FYB1: variants seen among roughly 807,000 people sequenced by gnomAD.
FYB1 encodes FYN-binding protein 1.
Under a neutral mutation model 94.1 loss-of-function variants are expected in FYB1, and 41 were observed. That is an observed-to-expected ratio of 0.44 (90% CI 0.34 to 0.57). The LOEUF (loss-of-function observed/expected upper bound fraction) is 0.57, where lower values mean the gene tolerates loss of function less well. FYB1 is among the 20% of genes least tolerant of loss of function. FYB1 has a pLI of 0.02. For synonymous variants in FYB1, 367 were observed against 353.2 expected (o/e 1.04, Z -0.44); for missense variants, 1,050 against 976.8 (o/e 1.07, Z -1.00).
chr5:39,246,479 A>T (rs1212519401), intron 1 of FYB1, among the ~76,000 whole-genome samples: 1 of 152,192 alleles, frequency 6.6e-6, no homozygotes, highest in Non-Finnish European at 1.5e-5. Context: ...CCTTAACAGC[A>T]TCCTAAATGT....
intron 3 of FYB1, among the ~76,000 whole-genome samples, chr5:39,144,618 A>G (rs1460058067): frequency 1.3e-5 from 2 of 152,176 alleles, no homozygotes; most frequent in Non-Finnish European, 2.9e-5. Context: ...CCTGGTCAAC[A>G]TGGTGAAACC....
In FYB1 at chr5:39,107,421, G is replaced by A; in HGVS notation, c.*22C>T. Reference sequence around the variant, plus strand: ...TTCACATTGGCACCTAATGAACACAGCAGAATGACCAAAGTTGAGTGCTAG... The same window carrying A: ...TTCACATTGGCACCTAATGAACACAACAGAATGACCAAAGTTGAGTGCTAG... On this transcript the variant is annotated 3_prime_UTR_variant, in exon 19 of 19. Coordinates refer to ENST00000512982, the MANE Select transcript of FYB1 (RefSeq NM_001465.6). 1 of 1,522,196 alleles carries A rather than the reference G, an allele frequency of 6.6e-7. No homozygotes were observed. Among genetic ancestry groups the A allele is most frequent in the Non-Finnish European group, 8.9e-7 (1 of 1,129,316 alleles). The allele number at this position is 1,522,196 out of a possible 1,614,324, so 94.3% of individuals were successfully genotyped here. A position where few individuals can be genotyped will look rare whatever the true frequency, so the allele number is the denominator to read the frequency against.
intron 17 of FYB1, among the ~76,000 whole-genome samples, chr5:39,108,825 A>T (rs1738783496): frequency 6.6e-6 from 1 of 152,116 alleles, no homozygotes; most frequent in African/African-American, 2.4e-5. Flanking sequence ...ACTTATGATT[A>T]TAGGCAGCAT....
At chr5:39,222,081 C>T (rs1007193392), upstream of FYB1, among the ~76,000 whole-genome samples, 5 of 151,776 alleles carry the variant, frequency 3.3e-5, no homozygotes, top group South Asian at 2.1e-4. Context: ...GCAAGCAACA[C>T]GCCCTGTCTT....
chr5:39,181,683 T>C (rs1746250820), intron 2 of FYB1, among the ~76,000 whole-genome samples: 1 of 152,186 alleles, frequency 6.6e-6, no homozygotes, highest in Non-Finnish European at 1.5e-5. Flanking sequence ...TCAAAACCTG[T>C]GACCCTGTAA....
intron 2 of FYB1, among the ~76,000 whole-genome samples, chr5:39,196,039 G>C (rs959767001): frequency 1.3e-5 from 2 of 152,088 alleles, no homozygotes; most frequent in African/African-American, 2.4e-5. Flanking sequence ...CTGCAAGATA[G>C]ACCCTCTCTT....
chr5:39,111,406 C>A (rs139438894), intron 16 of FYB1, among the ~76,000 whole-genome samples: 1,695 of 151,824 alleles, frequency 0.011, 31 homozygotes, highest in African/African-American at 0.039. Context: ...AAGGAGAAAG[C>A]TCATAAGCAA....
At chr5:39,113,870 C>T (rs186651929) in intron 16 of FYB1, among the ~76,000 whole-genome samples, 4 of 152,052 alleles carry the variant, frequency 2.6e-5, no homozygotes, top group Admixed American at 1.3e-4. Context: ...AAAAACAGAG[C>T]GTTGTATATA....
chr5:39,180,835 G>A (rs978901405), intron 2 of FYB1, among the ~76,000 whole-genome samples: 21 of 152,206 alleles, frequency 1.4e-4, no homozygotes, highest in African/African-American at 5.1e-4. Context: ...TTTTATTGAA[G>A]CAGTCTTGTG....
At chr5:39,245,092 T>C (rs530193891) in intron 1 of FYB1, among the ~76,000 whole-genome samples, 1 of 151,342 alleles carries the variant, frequency 6.6e-6, no homozygotes, top group Non-Finnish European at 1.5e-5. Context: ...CTTAAAGTTG[T>C]CAAATGCTAG....
At chr5:39,165,465 C>T (rs962239388) in intron 2 of FYB1, among the ~76,000 whole-genome samples, 3 of 152,150 alleles carry the variant, frequency 2.0e-5, no homozygotes. Flanking sequence ...GGGCTCCTAT[C>T]TCTCACCATA....
chr5:39,195,042 G>A lies in FYB1; in HGVS notation c.1135+6784C>T, dbSNP rs73749460. Among the ~76,000 whole-genome samples, 488 of 152,304 alleles carry A rather than the reference G, an allele frequency of 3.2e-3. 2 individuals are homozygous for A. Among genetic ancestry groups the A allele is most frequent in the African/African-American group, 0.011 (470 of 41,560 alleles). ...CTGTTACCCGAAGCTGAACCACGCC[G>A]TTGAGCAACTCCAAATTCCAGTCTG... On this transcript the variant is annotated intron_variant, in intron 2 of 18. Transcript: ENST00000512982.
At chr5:39,213,594 A>G (rs696748) in intron 1 of FYB1, among the ~76,000 whole-genome samples, 129,035 of 152,168 alleles carry the variant, frequency 0.85, 55,062 homozygotes, top group East Asian at 0.94. Flanking sequence ...CATCGTGGGC[A>G]ATCTGAAAGG....
intron 16 of FYB1, chr5:39,110,631 T>A (rs1738981996): frequency 2.5e-6 from 1 of 405,598 alleles, no homozygotes. Flanking sequence ...CAACCTTTCC[T>A]CCTTTCCCCT....
At chr5:39,271,725 GT>G (rs1463371319) in intron 1 of FYB1, among the ~76,000 whole-genome samples, 1 of 152,228 alleles carries the variant, frequency 6.6e-6, no homozygotes, top group Admixed American at 6.5e-5. Flanking sequence ...TAGGGGTTGA[GT>G]TCCAGAAGTA....
chr5:39,200,949 C>A (rs772290453), intron 2 of FYB1, among the ~76,000 whole-genome samples: 12 of 152,152 alleles, frequency 7.9e-5, no homozygotes, highest in Non-Finnish European at 1.6e-4. Context: ...TACATGCAGT[C>A]ACTCAGTACC....
intron 13 of FYB1, among the ~76,000 whole-genome samples, chr5:39,123,986 G>A (rs1371158246): frequency 6.6e-6 from 1 of 152,088 alleles, no homozygotes; most frequent in Non-Finnish European, 1.5e-5. Context: ...AGGGAAAATT[G>A]GTGCTTATCC....
At chr5:39,121,939 G>C (rs887340704) in intron 14 of FYB1, among the ~76,000 whole-genome samples, 5 of 152,122 alleles carry the variant, frequency 3.3e-5, no homozygotes, top group African/African-American at 1.2e-4. Context: ...AAGGTTTGGG[G>C]AAAACAGTAT....
At chr5:39,151,151 A>G (rs944292540) in intron 3 of FYB1, among the ~76,000 whole-genome samples, 1 of 152,158 alleles carries the variant, frequency 6.6e-6, no homozygotes, top group Non-Finnish European at 1.5e-5. Context: ...AAGTATAAAT[A>G]TATACTTCTC....
Sources: gnomAD v4.1 joint callset for allele counts (sites outside exome capture counted in the v4.1 genomes callset) on GRCh38, gnomAD v4.1.1 for gene constraint, MANE v1.5 for transcripts, NCBI Gene and HGNC (gene_info 2026-07-23, HGNC 2026-07-21) for gene names.